The following PDE4B variants were observed in gnomAD, a reference collection of about 807,000 sequenced individuals.
PDE4B encodes 3',5'-cyclic-AMP phosphodiesterase 4B.
In PDE4B, 20 loss-of-function variants were observed where a neutral mutation model predicts 82.2. The ratio of observed to expected loss-of-function variants is 0.24; its 90% CI spans 0.17 to 0.35. The LOEUF is 0.35. Among genes scored for constraint, PDE4B ranks in the 10% least tolerant of loss-of-function variants. The probability of loss-of-function intolerance (pLI) is 1.00; values close to 1 mark genes in which losing one functional copy is unlikely to be tolerated. For missense variants in PDE4B, 655 were observed against 907.2 expected (o/e 0.72, Z 3.57); for synonymous variants, 320 against 318.9 (o/e 1.00, Z -0.04).
chr1:66,041,409 A>G (rs1459505716), intron 3 of PDE4B, among the ~76,000 whole-genome samples: 1 of 151,954 alleles, frequency 6.6e-6, no homozygotes, highest in Admixed American at 6.6e-5. Flanking sequence ...CAATCGTTAT[A>G]GTAGCCTCAA....
rs2050860280 is a variant in PDE4B, at chr1:66,373,559, C to T, written c.*881C>T. 6.5e-6 allele frequency: 1 copy of T among 152,758 alleles called. No homozygotes were observed. The highest frequency in any genetic ancestry group is 2.1e-4 in the South Asian group (1 of 4,836). The allele number at this position is 152,758 out of a possible 1,614,324, so 9.5% of individuals were successfully genotyped here. A position where few individuals can be genotyped will look rare whatever the true frequency, so the allele number is the denominator to read the frequency against. On this transcript the variant is annotated 3_prime_UTR_variant, in exon 17 of 17. Coordinates refer to ENST00000341517, the MANE Select transcript of PDE4B (RefSeq NM_002600.4). ...CTGTTCCCTACCTCCTCTCTTCACC[C>T]CGTTAGGCTGTTTTCAATGTAATGC...
At chr1:66,045,725 G>A (rs1422560345) in intron 3 of PDE4B, among the ~76,000 whole-genome samples, 10 of 151,674 alleles carry the variant, frequency 6.6e-5, no homozygotes, top group African/African-American at 2.4e-4. Context: ...TGATATAGAC[G>A]AGATTCAATC....
chr1:66,149,630 G>A (rs1646351634), intron 3 of PDE4B, among the ~76,000 whole-genome samples: 1 of 152,192 alleles, frequency 6.6e-6, no homozygotes, highest in Admixed American at 6.5e-5. Flanking sequence ...AAGATGGGAG[G>A]ATAGCTTGAA....
At chr1:65,815,020 ATTTTATTTATTT>A (rs1645864574) in intron 1 of PDE4B, among the ~76,000 whole-genome samples, 1 of 138,526 alleles carries the variant, frequency 7.2e-6, no homozygotes, top group South Asian at 2.4e-4. Context: ...TTCAACACAC[ATTTTATTTATTT>A]ATTTATTTAT....
intron 3 of PDE4B, among the ~76,000 whole-genome samples, chr1:66,240,595 T>G (rs17128632): frequency 0.031 from 4,712 of 152,300 alleles, 231 homozygotes; most frequent in African/African-American, 0.11. Flanking sequence ...CTTCATGGTA[T>G]TTCTCACTAT....
chr1:65,816,625 A>G (rs993890908), intron 1 of PDE4B, among the ~76,000 whole-genome samples: 1 of 152,206 alleles, frequency 6.6e-6, no homozygotes, highest in African/African-American at 2.4e-5. Context: ...GTCAAGCACT[A>G]TTTATAATGG....
chr1:66,255,482 T>G (rs1301039653), intron 4 of PDE4B, among the ~76,000 whole-genome samples: 1 of 152,226 alleles, frequency 6.6e-6, no homozygotes, highest in African/African-American at 2.4e-5. Flanking sequence ...ATCCTTATTC[T>G]CTACAAATGT....
At position 66,308,877 on chromosome 1, in the gene PDE4B, T is replaced by C. The variant is rs556154768; in HGVS notation, c.635-23631T>C. Among the ~76,000 whole-genome samples, 3 of 152,342 alleles carry C rather than the reference T, an allele frequency of 2.0e-5. No individual in the cohort carries two copies. In the South Asian group the frequency reaches 6.2e-4, roughly 32 times the overall value. On this transcript the variant is annotated intron_variant, in intron 7 of 16. Transcript: ENST00000341517. ...TACAGAGCTATGCTAACATTGCATT[T>C]AGATATAGTTACTAAAAAATTATAA... is the stretch of plus-strand genomic sequence containing the variant.
At chr1:65,998,888 A>G (rs1182179175) in intron 3 of PDE4B, among the ~76,000 whole-genome samples, 1 of 151,830 alleles carries the variant, frequency 6.6e-6, no homozygotes, top group Non-Finnish European at 1.5e-5. Flanking sequence ...AAAAAAGCAG[A>G]TATTATCTTA....
intron 3 of PDE4B, among the ~76,000 whole-genome samples, chr1:65,960,210 CA>C (rs1257042044): frequency 6.6e-6 from 1 of 152,072 alleles, no homozygotes; most frequent in Non-Finnish European, 1.5e-5. Context: ...TTCACTGTAT[CA>C]GTGCATCGGT....
chr1:66,070,740 G>T (rs1656114311), intron 3 of PDE4B, among the ~76,000 whole-genome samples: 1 of 152,030 alleles, frequency 6.6e-6, no homozygotes. Flanking sequence ...ACATGCACTT[G>T]AAGTGATTCC....
rs776951970 is a variant in PDE4B, at chr1:66,144,371, G to A, written c.282-103089G>A. Among the ~76,000 whole-genome samples, 73 of 152,210 alleles carry A rather than the reference G, an allele frequency of 4.8e-4. 1 individual carries two copies. Among genetic ancestry groups the A allele is most frequent in the Non-Finnish European group, 6.5e-4 (44 of 68,014 alleles). The stretch of plus-strand genomic sequence containing the variant: ...AGCACATGATCTAATAGAAACAAGC[G>A]CGTCAAAGTTAATCATAAATAGTTT... On this transcript the variant is annotated intron_variant, in intron 3 of 16. Transcript: ENST00000341517.
Position 66,040,139 on chromosome 1 carries a change from T to A in PDE4B, c.281+121304T>A, listed in dbSNP as rs573664921. Among the ~76,000 whole-genome samples the A allele has an allele frequency of 5.9e-5, 9 of 152,202 alleles. No homozygotes were observed. The South Asian group carries it at 1.9e-3, about 31-fold the overall frequency. ...TACTCAGGATTCTATGTTTATCTTT[T>A]AACTTTTTCAATGAGGACGACTATT... On this transcript the variant is annotated intron_variant, in intron 3 of 16. Coordinates refer to ENST00000341517, the MANE Select transcript of PDE4B (RefSeq NM_002600.4).
chr1:65,996,818 T>A (rs1166307395), intron 3 of PDE4B, among the ~76,000 whole-genome samples: 2 of 152,180 alleles, frequency 1.3e-5, no homozygotes, highest in African/African-American at 4.8e-5. Flanking sequence ...ATATGAAACA[T>A]GTAATAAGTT....
intron 3 of PDE4B, among the ~76,000 whole-genome samples, chr1:66,235,316 G>C (rs1652322593): frequency 6.6e-6 from 1 of 152,110 alleles, no homozygotes; most frequent in Non-Finnish European, 1.5e-5. Context: ...GGCTATAATT[G>C]TGTAGTTTTC....
At chr1:66,319,164 A>G (rs1659227414) in intron 7 of PDE4B, among the ~76,000 whole-genome samples, 1 of 152,222 alleles carries the variant, frequency 6.6e-6, no homozygotes, top group Non-Finnish European at 1.5e-5. Flanking sequence ...GACATCACTC[A>G]GGATAGCATC....
intron 1 of PDE4B, among the ~76,000 whole-genome samples, chr1:65,877,724 A>G (rs1646662594): frequency 1.3e-5 from 2 of 152,060 alleles, no homozygotes; most frequent in South Asian, 4.1e-4. Context: ...CACCCTATAC[A>G]AAAATTAACT....
Position 66,247,567 on chromosome 1 carries a change from G to A in PDE4B, c.389G>A (p.Arg130His), listed in dbSNP as rs773480022. 2.2e-5 allele frequency: 35 copies of A among 1,612,170 alleles called. No individual in the cohort carries two copies. The highest frequency in any genetic ancestry group is 1.2e-4 in the South Asian group (11 of 90,904). The change falls in exon 4 of 17, where the codon CGC becomes CAC. Residue 130 changes from arginine (R) to histidine (H), a missense_variant. By Grantham distance (29) the Arg-to-His change is conservative. Around this residue, in one of 3 missense-constraint regions of PDE4B, gnomAD observed 253 missense variants for 275.6 expected, o/e 0.92. Coordinates refer to ENST00000341517, the MANE Select transcript of PDE4B (RefSeq NM_002600.4). ...GCCACCTTTCCTGGGCACAGCCAGCGCAGAGAGTCATTTCTCTACAGATCA... is the reference window on the plus strand; with the variant it reads ...GCCACCTTTCCTGGGCACAGCCAGCACAGAGAGTCATTTCTCTACAGATCA... ...LHATFPGHSQ[R>H]RESFLYRSDS...
chr1:66,275,293 C>G (rs1381000126), intron 7 of PDE4B, among the ~76,000 whole-genome samples: 1 of 152,172 alleles, frequency 6.6e-6, no homozygotes, highest in South Asian at 2.1e-4. Flanking sequence ...GGTTGGTACA[C>G]ACCTATTCAG....
Sources: gnomAD v4.1 joint callset for allele counts (sites outside exome capture counted in the v4.1 genomes callset) on GRCh38, gnomAD v4.1.1 for gene constraint, gnomAD v4.1.1 regional missense constraint, MANE v1.5 for transcripts, NCBI Gene and HGNC (gene_info 2026-07-23, HGNC 2026-07-21) for gene names.